The following CUX2 variants were observed in gnomAD, a reference collection of about 807,000 sequenced individuals.
The protein encoded by CUX2 is homeobox protein cut-like 2.
A neutral mutation model predicts 144.8 loss-of-function variants in CUX2; 40 were observed. The ratio of observed to expected loss-of-function variants is 0.28; its 90% CI spans 0.21 to 0.36. CUX2 has a LOEUF of 0.36. CUX2 is among the 10% of genes least tolerant of loss of function. CUX2 has a pLI of 1.00. For synonymous variants in CUX2, 827 were observed against 875.6 expected (o/e 0.94, Z 0.98); for missense variants, 1,615 against 1,994.0 (o/e 0.81, Z 3.62).
At chr12:111,158,073 G>T (rs1286159487) in intron 1 of CUX2, among the ~76,000 whole-genome samples, 1 of 152,160 alleles carries the variant, frequency 6.6e-6, no homozygotes, top group African/African-American at 2.4e-5. Flanking sequence ...ACGCAATCAG[G>T]AAGGTTCAAA....
intron 1 of CUX2, among the ~76,000 whole-genome samples, chr12:111,144,764 A>G (rs1474419504): frequency 6.6e-6 from 1 of 152,094 alleles, no homozygotes; most frequent in Non-Finnish European, 1.5e-5. Context: ...CCTTTGTTGA[A>G]GGCAGCAGTT....
chr12:111,315,611 C>A (rs1412721900), intron 16 of CUX2, among the ~76,000 whole-genome samples: 1 of 152,032 alleles, frequency 6.6e-6, no homozygotes, highest in African/African-American at 2.4e-5. Context: ...CCCAGCTACT[C>A]AGGAGGCTGA....
At chr12:111,088,973 C>T (rs1189577717) in intron 1 of CUX2, among the ~76,000 whole-genome samples, 5 of 152,106 alleles carry the variant, frequency 3.3e-5, no homozygotes, top group South Asian at 4.1e-4. Context: ...TCAGGAGTTA[C>T]GACCCCCTCC....
chr12:111,313,023 G>A (rs887448591), intron 16 of CUX2, among the ~76,000 whole-genome samples: 2 of 152,040 alleles, frequency 1.3e-5, no homozygotes, highest in African/African-American at 4.8e-5. Context: ...GCTGTTTATT[G>A]GCTATGTGAC....
intron 1 of CUX2, among the ~76,000 whole-genome samples, chr12:111,083,570 C>T (rs1343159510): frequency 1.3e-5 from 2 of 151,906 alleles, no homozygotes; most frequent in African/African-American, 4.8e-5. Flanking sequence ...AATGAATGAG[C>T]CAGATATAAG....
chr12:111,140,899 C>A (rs1450619013), intron 1 of CUX2, among the ~76,000 whole-genome samples: 1 of 152,152 alleles, frequency 6.6e-6, no homozygotes. Context: ...GGGGACGATG[C>A]CTGAGAAGTG....
At position 111,104,620 on chromosome 12, in the gene CUX2, T is replaced by C. The variant is rs541925181; in HGVS notation, c.63+70380T>C. On this transcript the variant is annotated intron_variant, in intron 1 of 21. Coordinates refer to ENST00000261726, the MANE Select transcript of CUX2 (RefSeq NM_015267.4). ...CTGGTTCCTCATCTATAAAATGAGA[T>C]AATTCACACAACATATTGAAGGAAA... 1.6e-4 allele frequency among the ~76,000 whole-genome samples: 24 copies of C among 152,322 alleles called. No individual in the cohort carries two copies. In the South Asian group the frequency reaches 4.4e-3, roughly 28 times the overall value.
chr12:111,107,202 G>T (rs149812795), intron 1 of CUX2, among the ~76,000 whole-genome samples: 1 of 152,202 alleles, frequency 6.6e-6, no homozygotes, highest in African/African-American at 2.4e-5. Flanking sequence ...AGTGGGCCAT[G>T]TCCCTTTGAA....
chr12:111,209,642 C>A (rs1052418165), intron 1 of CUX2, among the ~76,000 whole-genome samples: 4 of 152,094 alleles, frequency 2.6e-5, no homozygotes, highest in African/African-American at 9.7e-5. Context: ...AGGACTAAGT[C>A]CCAAGACTGT....
intron 4 of CUX2, among the ~76,000 whole-genome samples, chr12:111,278,572 C>G (rs1265566): frequency 6.6e-6 from 1 of 151,904 alleles, no homozygotes; most frequent in East Asian, 1.9e-4. Flanking sequence ...AATTTCATCA[C>G]TTATCACACA....
At position 111,192,180 on chromosome 12, in the gene CUX2, G is replaced by A. The variant is rs111762819; in HGVS notation, c.64-22020G>A. 5.8e-3 allele frequency among the ~76,000 whole-genome samples: 880 copies of A among 152,226 alleles called. 19 individuals are homozygous for A. Among genetic ancestry groups the A allele is most frequent in the African/African-American group, 0.02 (838 of 41,522 alleles). ...CTTACTCAGTCACCTAGGTTGGAGT[G>A]CAGTGGTGTGATCTCGGCTTACTAC... On this transcript the variant is annotated intron_variant, in intron 1 of 21. Transcript: ENST00000261726.
At chr12:111,214,173 C>CTTTTTT (rs373389929) in intron 1 of CUX2, 27 bp from the exon 2 acceptor site, 19 of 1,003,538 alleles carry the variant, frequency 1.9e-5, no homozygotes, top group South Asian at 1.2e-4. Flanking sequence ...CTCTCTCTCT[C>CTTTTTT]TTTTTTTTTT....
intron 3 of CUX2, among the ~76,000 whole-genome samples, chr12:111,239,530 G>A (rs571490257): frequency 2.0e-5 from 3 of 152,182 alleles, no homozygotes; most frequent in Non-Finnish European, 2.9e-5. Context: ...ATAGGAAGCC[G>A]GACCCCTCAC....
At chr12:111,306,807 C>A in intron 10 of CUX2, 114 bp from the exon 11 acceptor site, 1 of 809,382 alleles carries the variant, frequency 1.2e-6, no homozygotes, top group Non-Finnish European at 2.0e-6. Context: ...ACACCCCATA[C>A]CATCATCCAG....
chr12:111,328,211 C>A (rs946577043), intron 18 of CUX2, among the ~76,000 whole-genome samples: 7 of 152,226 alleles, frequency 4.6e-5, no homozygotes, highest in Admixed American at 3.9e-4. Flanking sequence ...GTATCCATTG[C>A]CCACAAAGTC....
At chr12:111,152,202 T>C (rs540061515) in intron 1 of CUX2, among the ~76,000 whole-genome samples, 1 of 152,180 alleles carries the variant, frequency 6.6e-6, no homozygotes, top group East Asian at 1.9e-4. Flanking sequence ...GGAGAATCAC[T>C]TGAACCCGAG....
At position 111,296,095 on chromosome 12, in the gene CUX2, G is replaced by A. The variant is rs188763348; in HGVS notation, c.638-378G>A. Among the ~76,000 whole-genome samples the A allele has an allele frequency of 7.1e-3, 1,075 of 152,220 alleles. 6 individuals are homozygous for A. Among genetic ancestry groups the A allele is most frequent in the Non-Finnish European group, 0.012 (787 of 68,008 alleles). ...CGGGGTGGTTGAACACCTCGGGATG[G>A]ATGGCCCTGCCCAGGTCCTGAAATG... On this transcript the variant is annotated intron_variant, in intron 7 of 21. Coordinates refer to ENST00000261726, the MANE Select transcript of CUX2 (RefSeq NM_015267.4).
intron 4 of CUX2, among the ~76,000 whole-genome samples, chr12:111,284,927 C>A (rs963552152): frequency 2.0e-5 from 3 of 152,178 alleles, no homozygotes; most frequent in African/African-American, 7.2e-5. Flanking sequence ...CCTGGAGGCG[C>A]ACTGCAGGAG....
chr12:111,196,609 G>A (rs536563381), intron 1 of CUX2, among the ~76,000 whole-genome samples: 5 of 152,230 alleles, frequency 3.3e-5, no homozygotes, highest in South Asian at 2.1e-4. Flanking sequence ...CAACAAAATC[G>A]CACATCCTCA....
Sources: gnomAD v4.1 joint callset for allele counts (sites outside exome capture counted in the v4.1 genomes callset) on GRCh38, gnomAD v4.1.1 for gene constraint, MANE v1.5 for transcripts, NCBI Gene and HGNC (gene_info 2026-07-23, HGNC 2026-07-21) for gene names.